XRCC4: variants seen among roughly 807,000 people sequenced by gnomAD.
XRCC4 encodes DNA repair protein XRCC4.
A neutral mutation model predicts 39.1 loss-of-function variants in XRCC4; 28 were observed. The ratio of observed to expected loss-of-function variants is 0.72; its 90% confidence interval spans 0.53 to 0.98. The LOEUF (loss-of-function observed/expected upper bound fraction) is 0.98. XRCC4 is among the 50% of genes least tolerant of loss of function. The probability of loss-of-function intolerance (pLI) is 0.00; values close to 1 mark genes in which losing one functional copy is unlikely to be tolerated. For missense variants in XRCC4, 350 were observed against 376.4 expected (o/e 0.93, Z 0.58); for synonymous variants, 123 against 126.4 (o/e 0.97, Z 0.18).
intron 6 of XRCC4, among the ~76,000 whole-genome samples, chr5:83,235,230 G>T (rs564692086): frequency 1.5e-4 from 22 of 150,770 alleles, no homozygotes; most frequent in African/African-American, 5.1e-4. Context: ...AGCTACTTGG[G>T]AGTCTAAGGA....
intron 6 of XRCC4, among the ~76,000 whole-genome samples, chr5:83,220,598 G>A: frequency 6.6e-6 from 1 of 152,118 alleles, no homozygotes; most frequent in Non-Finnish European, 1.5e-5. Context: ...CTGAATGCAT[G>A]GTGTGGTGAA....
intron 6 of XRCC4, among the ~76,000 whole-genome samples, chr5:83,240,951 C>T (rs1752883359): frequency 6.6e-6 from 1 of 152,094 alleles, no homozygotes; most frequent in Admixed American, 6.6e-5. Context: ...CTTAAAAATT[C>T]AGGGCCAGGC....
chr5:83,167,107 C>T (rs1249803324), intron 3 of XRCC4, among the ~76,000 whole-genome samples: 1 of 152,122 alleles, frequency 6.6e-6, no homozygotes, highest in Non-Finnish European at 1.5e-5. Context: ...GTCTCAAACT[C>T]CTCACCTCAA....
At chr5:83,304,419 T>A (rs1025483784) in intron 7 of XRCC4, among the ~76,000 whole-genome samples, 1 of 152,148 alleles carries the variant, frequency 6.6e-6, no homozygotes, top group African/African-American at 2.4e-5. Flanking sequence ...CTTTATTTGC[T>A]CTCTTACCTG....
chr5:83,189,528 C>G (rs962924417), intron 3 of XRCC4, among the ~76,000 whole-genome samples: 1 of 152,096 alleles, frequency 6.6e-6, no homozygotes, highest in Non-Finnish European at 1.5e-5. Context: ...ATATGATCAG[C>G]TTGAGATATA....
rs372863718 is a variant in XRCC4, at chr5:83,176,922, G to A, written c.316-18848G>A. Reference sequence around the variant, plus strand: ...CAGACATCAGCCACCACACCCAGCTGGGAAATGATTCTTGGTACCAGTTAA... The same window carrying A: ...CAGACATCAGCCACCACACCCAGCTAGGAAATGATTCTTGGTACCAGTTAA... On this transcript the variant is annotated intron_variant, in intron 3 of 7. Transcript: ENST00000396027. 1.7e-4 allele frequency among the ~76,000 whole-genome samples: 26 copies of A among 152,074 alleles called. No homozygotes were observed. The South Asian group carries it at 5.4e-3, about 32-fold the overall frequency.
At chr5:83,194,729 A>G (rs1750865446) in intron 3 of XRCC4, among the ~76,000 whole-genome samples, 1 of 152,140 alleles carries the variant, frequency 6.6e-6, no homozygotes, top group Non-Finnish European at 1.5e-5. Flanking sequence ...TTTCTTTGGA[A>G]TTATGTGTAG....
At chr5:83,078,737 A>G (rs1458323677) in intron 1 of XRCC4, among the ~76,000 whole-genome samples, 1 of 152,226 alleles carries the variant, frequency 6.6e-6, no homozygotes, top group Admixed American at 6.5e-5. Context: ...TTATTCATGG[A>G]TCTTCAGATT....
At chr5:83,305,670 G>C (rs553913467) in intron 7 of XRCC4, among the ~76,000 whole-genome samples, 4 of 152,130 alleles carry the variant, frequency 2.6e-5, no homozygotes, top group South Asian at 4.2e-4. Context: ...TCTCTTAAAG[G>C]ATGGCTGAGA....
At chr5:83,278,629 CA>C (rs1234349969) in intron 7 of XRCC4, among the ~76,000 whole-genome samples, 1 of 151,966 alleles carries the variant, frequency 6.6e-6, no homozygotes, top group Non-Finnish European at 1.5e-5. Context: ...TTTAACTGTA[CA>C]AAAAATAAAT....
chr5:83,189,161 T>C (rs937920052), intron 3 of XRCC4, among the ~76,000 whole-genome samples: 1 of 152,204 alleles, frequency 6.6e-6, no homozygotes, highest in Non-Finnish European at 1.5e-5. Flanking sequence ...GTAACTATAT[T>C]GTCCATGAAC....
At chr5:83,101,967 G>T (rs563570615) in intron 1 of XRCC4, among the ~76,000 whole-genome samples, 1 of 42,518 alleles carries the variant, frequency 2.4e-5, no homozygotes, top group East Asian at 2.9e-4. Flanking sequence ...ACTAAACAAG[G>T]TTTAGTTGAT....
At chr5:83,132,027 C>A (rs1479455255) in intron 3 of XRCC4, among the ~76,000 whole-genome samples, 1 of 152,048 alleles carries the variant, frequency 6.6e-6, no homozygotes, top group East Asian at 1.9e-4. Flanking sequence ...ACTGGTTGTT[C>A]CTTTCCACGT....
chr5:83,136,508 T>G (rs527784826), intron 3 of XRCC4, among the ~76,000 whole-genome samples: 35 of 152,344 alleles, frequency 2.3e-4, no homozygotes, highest in African/African-American at 7.9e-4. Flanking sequence ...TTCTTTTGAC[T>G]ATCATCGTTC....
intron 1 of XRCC4, among the ~76,000 whole-genome samples, chr5:83,096,172 C>T (rs1383764791): frequency 6.6e-6 from 1 of 151,724 alleles, no homozygotes; most frequent in Non-Finnish European, 1.5e-5. Flanking sequence ...ATTTCCAGGG[C>T]TGCCGGACAG....
chr5:83,109,345 CTAGT>C (rs1323445751), intron 2 of XRCC4, among the ~76,000 whole-genome samples: 27 of 152,016 alleles, frequency 1.8e-4, no homozygotes, highest in Admixed American at 1.8e-3. Flanking sequence ...CCCAGCTTCA[CTAGT>C]TACTTACTTC....
chr5:83,269,285 CA>C (rs1461319612), intron 7 of XRCC4, among the ~76,000 whole-genome samples: 1 of 152,054 alleles, frequency 6.6e-6, no homozygotes, highest in Non-Finnish European at 1.5e-5. Context: ...TACTGTGTGC[CA>C]AGCACTGTGT....
intron 6 of XRCC4, among the ~76,000 whole-genome samples, chr5:83,240,003 A>G (rs1041164573): frequency 2.0e-5 from 3 of 151,668 alleles, no homozygotes; most frequent in Non-Finnish European, 2.9e-5. Flanking sequence ...ACAGAGGAAA[A>G]AAAAACAAAA....
At position 83,219,212 on chromosome 5, in the gene XRCC4, A is replaced by C. The variant is rs777943279; in HGVS notation, c.745+14291A>C. On this transcript the variant is annotated intron_variant, in intron 6 of 7. Transcript: ENST00000396027. ...GGGCTCACCCTAATGACCTCATTTT[A>C]ACTTTATTACCTCTGTAAATACCCT... 1.1e-4 allele frequency among the ~76,000 whole-genome samples: 16 copies of C among 152,166 alleles called. 1 individual carries two copies. Among genetic ancestry groups the C allele is most frequent in the Admixed American group, 6.5e-5 (1 of 15,278 alleles).
Sources: gnomAD v4.1 joint callset for allele counts (sites outside exome capture counted in the v4.1 genomes callset) on GRCh38, gnomAD v4.1.1 for gene constraint, MANE v1.5 for transcripts, NCBI Gene and HGNC (gene_info 2026-07-23, HGNC 2026-07-21) for gene names.